ITPR1: variants seen among roughly 807,000 people sequenced by gnomAD.
ITPR1 encodes inositol 1,4,5-trisphosphate receptor type 1, also known as inositol 1,4,5-trisphosphate-gated calcium channel ITPR1.
A neutral mutation model predicts 318.4 loss-of-function variants in ITPR1; 96 were observed. The ratio of observed to expected loss-of-function variants is 0.30; its 90% CI spans 0.26 to 0.36. The LOEUF (loss-of-function observed/expected upper bound fraction) is 0.36, where lower values mean the gene tolerates loss of function less well. ITPR1 is among the 10% of genes least tolerant of loss of function. The probability of loss-of-function intolerance (pLI) is 1.00; values close to 1 mark genes in which losing one functional copy is unlikely to be tolerated. For missense variants in ITPR1, 2,440 were observed against 3,460.2 expected, an observed-to-expected ratio of 0.71 and a Z score of 7.40; for synonymous variants, 1,312 against 1,289.9, an observed-to-expected ratio of 1.02 and a Z score of -0.37.
At position 4,612,778 on chromosome 3, in the gene ITPR1, T is replaced by C. The variant is rs577005701; in HGVS notation, c.164-14985T>C. ...GGTGGGGGCCTGTAATCCCAGCTAC[T>C]GGGGAGGCTGAGACAGGAGAATTGC... On this transcript the variant is annotated intron_variant, in intron 4 of 61. Transcript: ENST00000649015. Among the ~76,000 whole-genome samples the C allele has an allele frequency of 1.8e-4, 27 of 152,096 alleles. No individual in the cohort carries two copies. In the East Asian group the frequency reaches 4.1e-3, roughly 23 times the overall value.
At position 4,836,452 on chromosome 3, in the gene ITPR1, A is replaced by T. The variant is rs117262932; in HGVS notation, c.8029-322A>T. 2.6e-5 allele frequency among the ~76,000 whole-genome samples: 4 copies of T among 152,336 alleles called. No homozygotes were observed. In the East Asian group the frequency reaches 7.7e-4, roughly 29 times the overall value. ...ACAATTTTTTAAAAAAACCAAACTC[A>T]TCAGCCATGTAATTTGCAAAGATCA... On this transcript the variant is annotated intron_variant, in intron 60 of 61. Coordinates refer to ENST00000649015, the MANE Select transcript of ITPR1 (RefSeq NM_001378452.1).
At chr3:4,495,147 T>C (rs1397739665) in intron 2 of ITPR1, among the ~76,000 whole-genome samples, 2 of 152,186 alleles carry the variant, frequency 1.3e-5, no homozygotes, top group East Asian at 1.9e-4. Context: ...ACAGTTCCTA[T>C]TTTTTCCCCA....
At chr3:4,676,889 C>A in intron 24 of ITPR1, 88 bp downstream of exon 24, 1 of 1,028,604 alleles carries the variant, frequency 9.7e-7, no homozygotes, top group South Asian at 1.6e-5. Flanking sequence ...GAGCCCAAGG[C>A]TTTCTGGGAA....
intron 44 of ITPR1, among the ~76,000 whole-genome samples, chr3:4,746,672 C>T (rs373153821): frequency 3.3e-5 from 5 of 152,358 alleles, no homozygotes; most frequent in Middle Eastern, 3.4e-3. Context: ...AGCCTCCACA[C>T]GTGCTGGATG....
chr3:4,769,002 T>C lies in ITPR1; in HGVS notation c.5979+238T>C, dbSNP rs571620576. 1.1e-3 allele frequency among the ~76,000 whole-genome samples: 166 copies of C among 152,040 alleles called. 1 individual carries two copies. The highest frequency in any genetic ancestry group is 3.9e-3 in the African/African-American group (161 of 41,476). ...TTGGCTTACTCCAACCTCCAGCTCT[T>C]GGGTTCAAGCGATTCTCCTTCCTCA... On this transcript the variant is annotated intron_variant, in intron 46 of 61. Coordinates refer to ENST00000649015, the MANE Select transcript of ITPR1 (RefSeq NM_001378452.1).
chr3:4,814,418 C>A lies in ITPR1; in HGVS notation c.7562-5C>A, dbSNP rs1332593037. On this transcript the variant is annotated splice_region_variant and splice_polypyrimidine_tract_variant and intron_variant, in intron 57 of 61. Transcript: ENST00000649015. ...TCTCTCTGTTGTTACTTGCCGTGTT[C>A]ACAGAGCTGGTCCCTGCAGAAGAGA... 1 of 1,613,894 alleles carries A rather than the reference C, an allele frequency of 6.2e-7. No homozygotes were observed. The highest frequency in any genetic ancestry group is 1.1e-5 in the South Asian group (1 of 91,068).
At chr3:4,811,532 TA>T (rs2048939020) in intron 56 of ITPR1, 72 bp downstream of exon 56, 16 of 1,271,316 alleles carry the variant, frequency 1.3e-5, no homozygotes, top group Non-Finnish European at 1.6e-5. Flanking sequence ...CTAAAGAAAA[TA>T]ACGACTTTAG....
chr3:4,678,482 T>C (rs535203450), intron 24 of ITPR1, among the ~76,000 whole-genome samples: 1 of 152,316 alleles, frequency 6.6e-6, no homozygotes, highest in East Asian at 1.9e-4. Context: ...AGTCATTCTT[T>C]CCACGGGTAC....
chr3:4,770,857 T>G (rs962317855), intron 46 of ITPR1, among the ~76,000 whole-genome samples: 10 of 152,286 alleles, frequency 6.6e-5, no homozygotes, highest in Non-Finnish European at 1.0e-4. Context: ...GGCCACTGTT[T>G]CCCTGACATT....
At chr3:4,702,065 G>T (rs1487184401) in intron 35 of ITPR1, among the ~76,000 whole-genome samples, 4 of 152,136 alleles carry the variant, frequency 2.6e-5, no homozygotes, top group Admixed American at 2.0e-4. Context: ...ATCTATCTTT[G>T]CCTTGCTGGT....
At chr3:4,680,163 A>G (rs1553689560) in intron 24 of ITPR1, among the ~76,000 whole-genome samples, 1 of 152,130 alleles carries the variant, frequency 6.6e-6, no homozygotes, top group Non-Finnish European at 1.5e-5. Flanking sequence ...TTTTTTTGTT[A>G]ATTCTCTTAA....
In ITPR1 at chr3:4,809,825, C is replaced by T. The variant is rs115550463; in HGVS notation, c.7273-1440C>T. ...GCCATTTGTTTGTTGTCTGAAGTTG[C>T]GCTTACTTGCCACTTTATATTGAGC... On this transcript the variant is annotated intron_variant, in intron 55 of 61. Coordinates refer to ENST00000649015, the MANE Select transcript of ITPR1 (RefSeq NM_001378452.1). Among the ~76,000 whole-genome samples the T allele has an allele frequency of 2.3e-3, 354 of 152,288 alleles. 3 individuals carry two copies. Among genetic ancestry groups the T allele is most frequent in the African/African-American group, 8.0e-3 (331 of 41,544 alleles).
At chr3:4,682,696 TCA>T (rs2094323410) in intron 26 of ITPR1, among the ~76,000 whole-genome samples, 1 of 152,222 alleles carries the variant, frequency 6.6e-6, no homozygotes, top group Non-Finnish European at 1.5e-5. Flanking sequence ...ATTGAAACCT[TCA>T]CACCTTTTTG....
intron 2 of ITPR1, among the ~76,000 whole-genome samples, chr3:4,500,240 C>T (rs531744163): frequency 1.3e-5 from 2 of 152,190 alleles, no homozygotes; most frequent in Non-Finnish European, 1.5e-5. Context: ...TACTCTGCTG[C>T]CCAGGCTGGA....
At chr3:4,630,151 G>A (rs902983) in intron 5 of ITPR1, among the ~76,000 whole-genome samples, 23,067 of 152,068 alleles carry the variant, frequency 0.15, 3,397 homozygotes, top group African/African-American at 0.38. Flanking sequence ...TTAAGTCAAT[G>A]CTCAGGGATG....
At chr3:4,621,452 C>G (rs9852247) in intron 4 of ITPR1, among the ~76,000 whole-genome samples, 1 of 152,180 alleles carries the variant, frequency 6.6e-6, no homozygotes, top group South Asian at 2.1e-4. Flanking sequence ...CCCCATGACC[C>G]AGTCACTTCC....
intron 12 of ITPR1, among the ~76,000 whole-genome samples, chr3:4,654,186 G>A (rs553595285): frequency 5.0e-4 from 76 of 152,312 alleles, no homozygotes; most frequent in Admixed American, 1.8e-3. Context: ...TGGAGACAGT[G>A]ACACCTCATA....
chr3:4,684,368 A>AT, intron 29 of ITPR1, 22 bp downstream of exon 29: 1 of 1,566,960 alleles, frequency 6.4e-7, no homozygotes. Flanking sequence ...CCCCACCACC[A>AT]TTTTTCCTTT....
chr3:4,746,592 A>T (rs1426184061), intron 44 of ITPR1, among the ~76,000 whole-genome samples: 2 of 152,198 alleles, frequency 1.3e-5, no homozygotes, highest in African/African-American at 2.4e-5. Context: ...ACCACACTTC[A>T]ACTGGAGCTT....
Sources: gnomAD v4.1 joint callset for allele counts (sites outside exome capture counted in the v4.1 genomes callset) on GRCh38, gnomAD v4.1.1 for gene constraint, MANE v1.5 for transcripts, NCBI Gene and HGNC (gene_info 2026-07-23, HGNC 2026-07-21) for gene names.